The following PRDX1 variants were observed in gnomAD, a reference collection of about 807,000 sequenced individuals.
PRDX1 encodes the protein peroxiredoxin-1.
A neutral mutation model predicts 20.7 loss-of-function variants in PRDX1; 19 were observed. The ratio of observed to expected loss-of-function variants is 0.92; its 90% CI spans 0.64 to 1.35. PRDX1 has a LOEUF of 1.35. Among genes scored for constraint, PRDX1 ranks in the 40% most tolerant of loss-of-function variants. PRDX1 has a pLI of 0.00. For missense variants in PRDX1, 226 were observed against 240.0 expected (o/e 0.94, Z 0.38); for synonymous variants, 89 against 83.9 (o/e 1.06, Z -0.33).
intron 2 of PRDX1, among the ~76,000 whole-genome samples, chr1:45,516,356 G>A (rs1453390305): frequency 6.6e-6 from 1 of 152,244 alleles, no homozygotes; most frequent in Non-Finnish European, 1.5e-5. Context: ...AGGCACAGTG[G>A]TGCGTGTCTG....
intron 2 of PRDX1, among the ~76,000 whole-genome samples, chr1:45,517,356 G>C (rs1440436341): frequency 6.6e-6 from 1 of 152,170 alleles, no homozygotes; most frequent in Admixed American, 6.5e-5. Context: ...AAGGACACTT[G>C]ACACCTGAGT....
intron 5 of PRDX1, among the ~76,000 whole-genome samples, chr1:45,514,212 C>T (rs1021129076): frequency 2.6e-5 from 4 of 152,150 alleles, no homozygotes; most frequent in Non-Finnish European, 5.9e-5. Context: ...CCTTTGTTCA[C>T]GTGTTTATCT....
At chr1:45,514,461 C>G in intron 5 of PRDX1, 46 bp downstream of exon 5, 1 of 1,610,976 alleles carries the variant, frequency 6.2e-7, no homozygotes. Flanking sequence ...CAACCCACCC[C>G]TTCATACCAC....
intron 1 of PRDX1, among the ~76,000 whole-genome samples, chr1:45,520,140 G>A (rs1445046538): frequency 1.3e-5 from 2 of 150,048 alleles, no homozygotes; most frequent in Admixed American, 6.6e-5. Flanking sequence ...GGGAGGCAGA[G>A]GTTGCAGTAA....
rs1369066907 is a variant in PRDX1, at chr1:45,515,726, G to A, written c.188C>T (p.Ala63Val). Residue 63 changes from alanine (A) to valine (V), a missense_variant, in exon 3 of 6, where the codon GCA becomes GTA. By Grantham distance (64) the Ala-to-Val change is moderately conservative. Coordinates refer to ENST00000319248, the MANE Select transcript of PRDX1 (RefSeq NM_181697.3). ...PTEIIAFSDR[A>V]EEFKKLNCQV... ...GCAGTTGAGTTTCTTAAATTCTTCT[G>A]CCCTATCACTGAAAGCAATGATCTC... 1.2e-6 allele frequency: 2 copies of A among 1,606,798 alleles called. No individual in the cohort carries two copies. The highest frequency in any genetic ancestry group is 2.3e-5 in the East Asian group (1 of 44,406).
chr1:45,514,318 G>A (rs796221713), intron 5 of PRDX1, among the ~76,000 whole-genome samples, 189 bp downstream of exon 5: 5 of 152,128 alleles, frequency 3.3e-5, no homozygotes, highest in African/African-American at 1.2e-4. Context: ...GGAACTCAGA[G>A]GCCGGCGGGA....
intron 5 of PRDX1, chr1:45,511,749 G>A (rs1371098932): frequency 5.5e-6 from 1 of 183,378 alleles, no homozygotes; most frequent in African/African-American, 2.4e-5. Context: ...ATAGGACTAT[G>A]TAAACCCTTA....
At chr1:45,519,559 A>G (rs2149329908) in intron 1 of PRDX1, among the ~76,000 whole-genome samples, 1 of 152,334 alleles carries the variant, frequency 6.6e-6, no homozygotes, top group African/African-American at 2.4e-5. Flanking sequence ...AAGACAGCAC[A>G]CAACCTATAA....
intron 2 of PRDX1, among the ~76,000 whole-genome samples, chr1:45,517,922 T>A (rs887579070): frequency 6.6e-6 from 1 of 151,826 alleles, no homozygotes; most frequent in South Asian, 2.1e-4. Flanking sequence ...GATATATACG[T>A]GACCCAAACA....
At chr1:45,515,938 T>A in intron 2 of PRDX1, 131 bp from the exon 3 acceptor site, 1 of 889,842 alleles carries the variant, frequency 1.1e-6, no homozygotes, top group Non-Finnish European at 1.6e-6. Context: ...AATACAGATG[T>A]CTCCTAGAAG....
At chr1:45,520,205 C>CAAAAAAAAAAAA (rs59260423) in intron 1 of PRDX1, among the ~76,000 whole-genome samples, 31 of 91,040 alleles carry the variant, frequency 3.4e-4, no homozygotes, top group African/African-American at 1.3e-3. Context: ...ACTCTGTCTC[C>CAAAAAAAAAAAA]AAAAAAAAAA....
chr1:45,520,099 GGAGGCT>G, intron 1 of PRDX1, among the ~76,000 whole-genome samples: 1 of 151,614 alleles, frequency 6.6e-6, no homozygotes, highest in East Asian at 2.0e-4. Flanking sequence ...CAACTACTCA[GGAGGCT>G]GAAGCAGGAG....
chr1:45,511,704 C>A (rs1027652096), intron 5 of PRDX1: 8 of 256,766 alleles, frequency 3.1e-5, no homozygotes, highest in Non-Finnish European at 5.9e-5. Context: ...CTCTCTAATC[C>A]TTAAGGGGAA....
chr1:45,514,847 A>G (rs774691502), intron 4 of PRDX1, 26 bp downstream of exon 4: 24 of 1,613,322 alleles, frequency 1.5e-5, no homozygotes, highest in African/African-American at 4.0e-5. Flanking sequence ...CTTTCAGCCA[A>G]CTGGATACTT....
intron 2 of PRDX1, among the ~76,000 whole-genome samples, chr1:45,517,969 G>C (rs1433608509): frequency 6.6e-6 from 1 of 152,110 alleles, no homozygotes; most frequent in Non-Finnish European, 1.5e-5. Flanking sequence ...AGAGATTTGA[G>C]TGAGCTCTGA....
chr1:45,515,008 G>A lies in PRDX1; in HGVS notation c.261-13C>T. 1 of 1,613,670 alleles carries A rather than the reference G, an allele frequency of 6.2e-7. No homozygotes were observed. The highest frequency in any genetic ancestry group is 8.5e-7 in the Non-Finnish European group (1 of 1,179,840). On this transcript the variant is annotated splice_polypyrimidine_tract_variant and intron_variant, in intron 3 of 5. Transcript: ENST00000319248. ...AGGTGTATTGACCCTATGGCAAAAG[G>A]CAAACATACAGTTACATTCAAACTC...
intron 1 of PRDX1, among the ~76,000 whole-genome samples, chr1:45,521,359 A>T (rs1198541532): frequency 2.0e-5 from 3 of 152,206 alleles, no homozygotes; most frequent in Non-Finnish European, 4.4e-5. Context: ...TTCCACGTAC[A>T]GGAAAATAAA....
chr1:45,518,467 C>CAAAA (rs35407028), intron 2 of PRDX1, among the ~76,000 whole-genome samples: 86 of 47,962 alleles, frequency 1.8e-3, no homozygotes, highest in East Asian at 5.0e-3. Flanking sequence ...AACTCCATCT[C>CAAAA]AAAAAAAAAA....
chr1:45,518,210 C>G (rs1643877707), intron 2 of PRDX1, among the ~76,000 whole-genome samples: 1 of 151,894 alleles, frequency 6.6e-6, no homozygotes, highest in Non-Finnish European at 1.5e-5. Context: ...TGCCTGTAAT[C>G]CCAGCATTTT....
Sources: gnomAD v4.1 joint callset for allele counts (sites outside exome capture counted in the v4.1 genomes callset) on GRCh38, gnomAD v4.1.1 for gene constraint, MANE v1.5 for transcripts, NCBI Gene and HGNC (gene_info 2026-07-23, HGNC 2026-07-21) for gene names.